The following RALYL variants were observed in gnomAD, a reference collection of about 807,000 sequenced individuals.
The protein encoded by RALYL is RALY RNA binding protein like.
In RALYL, 29 loss-of-function variants were observed where a neutral mutation model predicts 35.1. The ratio of observed to expected loss-of-function variants is 0.83; its 90% CI spans 0.61 to 1.13. The LOEUF is 1.13. Ranked by LOEUF, RALYL falls within the 50% of genes most tolerant of loss-of-function variation. RALYL has a pLI of 0.00. For missense variants in RALYL, 359 were observed against 360.4 expected, an observed-to-expected ratio of 1.00 and a Z score of 0.03; for synonymous variants, 120 against 127.6, an observed-to-expected ratio of 0.94 and a Z score of 0.40.
chr8:84,885,179 T>C (rs1157062937), intron 7 of RALYL, among the ~76,000 whole-genome samples: 1 of 152,074 alleles, frequency 6.6e-6, no homozygotes, highest in Admixed American at 6.6e-5. Context: ...ATGAATGATA[T>C]GTGGAAGGAA....
intron 2 of RALYL, among the ~76,000 whole-genome samples, chr8:84,759,533 A>C (rs1194632234): frequency 6.6e-6 from 1 of 152,180 alleles, no homozygotes; most frequent in East Asian, 1.9e-4. Flanking sequence ...CAGATTAAGT[A>C]AGATAAAATT....
At chr8:84,825,062 C>A (rs1224250069) in intron 4 of RALYL, among the ~76,000 whole-genome samples, 1 of 152,146 alleles carries the variant, frequency 6.6e-6, no homozygotes, top group South Asian at 2.1e-4. Context: ...AGTAAACAGA[C>A]AACGTACAGA....
intron 1 of RALYL, among the ~76,000 whole-genome samples, chr8:84,365,845 A>C (rs978800294): frequency 6.6e-6 from 1 of 152,208 alleles, no homozygotes; most frequent in African/African-American, 2.4e-5. Context: ...GAAATGGTTA[A>C]GAACCTAAAG....
At chr8:84,646,588 C>G (rs1225123109) in intron 2 of RALYL, among the ~76,000 whole-genome samples, 1 of 151,992 alleles carries the variant, frequency 6.6e-6, no homozygotes, top group Non-Finnish European at 1.5e-5. Context: ...GATTTTTTTT[C>G]TATGGCTATA....
At chr8:84,702,539 T>TCTCACACACACACACACACACACACA (rs143400097) in intron 2 of RALYL, among the ~76,000 whole-genome samples, 2 of 136,534 alleles carry the variant, frequency 1.5e-5, no homozygotes, top group African/African-American at 6.1e-5. Flanking sequence ...TCTCTCTCTC[T>TCTCACACACACACACACACACACACA]CACACACACA....
intron 2 of RALYL, among the ~76,000 whole-genome samples, chr8:84,585,266 G>A (rs1477686846): frequency 6.6e-6 from 1 of 152,012 alleles, no homozygotes; most frequent in Non-Finnish European, 1.5e-5. Context: ...CTATGTTTGT[G>A]TCTGATCTGC....
intron 1 of RALYL, among the ~76,000 whole-genome samples, chr8:84,386,694 T>G (rs1412400739): frequency 2.0e-5 from 3 of 151,826 alleles, no homozygotes; most frequent in African/African-American, 7.3e-5. Flanking sequence ...TGCCTCTTCC[T>G]CACTTAAATT....
chr8:84,335,960 A>T (rs1394923892), intron 1 of RALYL, among the ~76,000 whole-genome samples: 1 of 152,052 alleles, frequency 6.6e-6, no homozygotes, highest in Non-Finnish European at 1.5e-5. Context: ...ATGAAGAAAA[A>T]GTTTAATTTC....
chr8:84,471,469 A>G (rs2052742028), intron 1 of RALYL, among the ~76,000 whole-genome samples: 1 of 151,772 alleles, frequency 6.6e-6, no homozygotes. Context: ...TGTTGTACAC[A>G]TGTAGTCCTA....
chr8:84,602,978 A>G (rs1268702793), intron 2 of RALYL, among the ~76,000 whole-genome samples: 2 of 152,122 alleles, frequency 1.3e-5, no homozygotes, highest in East Asian at 3.9e-4. Flanking sequence ...GGATTTAGCA[A>G]TGTGAAGTGT....
intron 2 of RALYL, among the ~76,000 whole-genome samples, chr8:84,664,311 C>T (rs1395252524): frequency 1.5e-5 from 1 of 64,564 alleles, no homozygotes; most frequent in African/African-American, 6.2e-5. Flanking sequence ...CTTGACTATT[C>T]AGGTTCTTTT....
At position 84,184,183 on chromosome 8, in the gene RALYL, C is replaced by G. The variant is rs1382916282; in HGVS notation, c.-265C>G. ...CATTTTTAAGCAAAATACTTTTTTC[C>G]TCCTTTAAATTAACTATGACTTTTG... On this transcript the variant is annotated 5_prime_UTR_variant, in exon 1 of 9. Transcript: ENST00000521268. 1 of 151,648 alleles carries G rather than the reference C, an allele frequency of 6.6e-6. No individual in the cohort carries two copies. The highest frequency in any genetic ancestry group is 1.5e-5 in the Non-Finnish European group (1 of 67,956). The allele number at this position is 151,648 out of a possible 1,614,324, so 9.4% of individuals were successfully genotyped here. A position where few individuals can be genotyped will look rare whatever the true frequency, so the allele number is the denominator to read the frequency against.
chr8:84,803,220 C>CTT (rs1823772128), intron 3 of RALYL, among the ~76,000 whole-genome samples: 1 of 152,250 alleles, frequency 6.6e-6, no homozygotes, highest in African/African-American at 2.4e-5. Context: ...CACATGCTAT[C>CTT]TTTATTTCAA....
At chr8:84,629,371 C>T (rs914836712) in intron 2 of RALYL, among the ~76,000 whole-genome samples, 3 of 152,002 alleles carry the variant, frequency 2.0e-5, no homozygotes, top group South Asian at 2.1e-4. Context: ...AAAAATACTT[C>T]CAAAATGCAT....
chr8:84,676,824 A>G (rs1834295350), intron 2 of RALYL, among the ~76,000 whole-genome samples: 1 of 151,462 alleles, frequency 6.6e-6, no homozygotes, highest in Non-Finnish European at 1.5e-5. Flanking sequence ...TTTTTTTGAG[A>G]CAGAGTCTCG....
At chr8:84,857,090 C>T (rs1438846736) in intron 5 of RALYL, among the ~76,000 whole-genome samples, 2 of 149,012 alleles carry the variant, frequency 1.3e-5, no homozygotes, top group Non-Finnish European at 3.0e-5. Flanking sequence ...AAATCTATCC[C>T]TTCTTAGAAA....
At chr8:84,554,109 T>C (rs1001043559) in intron 2 of RALYL, among the ~76,000 whole-genome samples, 2 of 152,250 alleles carry the variant, frequency 1.3e-5, no homozygotes, top group African/African-American at 4.8e-5. Context: ...GAAACTTGAT[T>C]GTCATGATAC....
chr8:84,733,685 T>C (rs1563471960), intron 2 of RALYL, among the ~76,000 whole-genome samples: 1 of 152,202 alleles, frequency 6.6e-6, no homozygotes, highest in Non-Finnish European at 1.5e-5. Context: ...TGTTTTCTCA[T>C]CTGTATGTTA....
At chr8:84,387,624 G>T (rs1859523539) in intron 1 of RALYL, among the ~76,000 whole-genome samples, 1 of 151,486 alleles carries the variant, frequency 6.6e-6, no homozygotes, top group African/African-American at 2.4e-5. Context: ...GAATATATGT[G>T]TAAACTATTC....
Sources: gnomAD v4.1 joint callset for allele counts (sites outside exome capture counted in the v4.1 genomes callset) on GRCh38, gnomAD v4.1.1 for gene constraint, MANE v1.5 for transcripts, NCBI Gene and HGNC (gene_info 2026-07-23, HGNC 2026-07-21) for gene names.